ZNF687: variants seen among roughly 807,000 people sequenced by gnomAD.
The protein encoded by ZNF687 is zinc finger protein 687.
ZNF687 carries 13 observed loss-of-function variants against 71.8 expected under a neutral mutation model. The observed-to-expected ratio is 0.18, with a 90% CI of 0.12 to 0.29. The LOEUF (loss-of-function observed/expected upper bound fraction) is 0.29. ZNF687 is among the 10% of genes least tolerant of loss of function. ZNF687 has a pLI of 1.00. For missense variants in ZNF687, 1,412 were observed against 1,625.6 expected (o/e 0.87, Z 2.26); for synonymous variants, 673 against 641.6 (o/e 1.05, Z -0.74).
Position 151,291,048 on chromosome 1 carries a change from G to A in ZNF687, c.3553G>A (p.Asp1185Asn). Residue 1185 changes from aspartate (D) to asparagine (N), a missense_variant, in exon 9 of 9, where the codon GAC becomes AAC. Around this residue, in one of 8 missense-constraint regions of ZNF687, gnomAD observed 284 missense variants for 359.2 expected, o/e 0.79. Transcript: ENST00000336715. ...GEEEAPPSRS[D>N]PDGGDSPLPA... ...GGAAGAGGCCCCTCCATCAAGGTCT[G>A]ACCCCGATGGTGGAGACTCACCCCT... is the stretch of plus-strand genomic sequence containing the variant. 6.2e-7 allele frequency: 1 copy of A among 1,613,838 alleles called. No homozygotes were observed. Among genetic ancestry groups the A allele is most frequent in the Non-Finnish European group, 8.5e-7 (1 of 1,180,024 alleles).
intron 1 of ZNF687, 133 bp from the exon 2 acceptor site, chr1:151,286,142 G>T (rs977521695): frequency 1.5e-6 from 1 of 667,146 alleles, no homozygotes; most frequent in Non-Finnish European, 2.4e-6. Context: ...GATTCATGCC[G>T]TGGCGGAGGT....
chr1:151,283,203 C>T (rs74125914), intron 1 of ZNF687: 28 of 985,342 alleles, frequency 2.8e-5, no homozygotes, highest in Non-Finnish European at 3.4e-5. Context: ...GCTCCCCGCG[C>T]CAGCCCTCGG....
chr1:151,283,332 C>T (rs1419115009), intron 1 of ZNF687: 1 of 983,384 alleles, frequency 1.0e-6, no homozygotes, highest in Non-Finnish European at 1.2e-6. Context: ...AGTGGAGCCC[C>T]CACTCGACCT....
chr1:151,286,472 G>A lies in ZNF687; in HGVS notation c.181G>A (p.Asp61Asn). The change falls in exon 2 of 9, where the codon GAT becomes AAT. Residue 61 changes from aspartate to asparagine, a missense_variant. This residue lies in a region of ZNF687 where 490 missense variants were observed against 489.9 expected (regional missense o/e 1.00). Transcript: ENST00000336715. ...AGACACAGCAGCAGCCTCTGCTGGG[G>A]ATGGCCCTGGAGTTCCAGCCCAGGC... ...SEDTAAASAG[D>N]GPGVPAQASD... 1 of 1,614,050 alleles carries A rather than the reference G, an allele frequency of 6.2e-7. No homozygotes were observed. The highest frequency in any genetic ancestry group is 8.5e-7 in the Non-Finnish European group (1 of 1,179,902).
At position 151,287,945 on chromosome 1, in the gene ZNF687, T is replaced by C. The variant is rs1328056742; in HGVS notation, c.1654T>C (p.Tyr552His). 6.2e-7 allele frequency: 1 copy of C among 1,613,882 alleles called. No homozygotes were observed. Among genetic ancestry groups the C allele is most frequent in the Admixed American group, 1.7e-5 (1 of 60,032 alleles). ...ATTGGAGAAGAGCCTGGCACGGCACTATGACCGTCGGAGCATGCGCATCGA... is the reference window on the plus strand; with the variant it reads ...ATTGGAGAAGAGCCTGGCACGGCACCATGACCGTCGGAGCATGCGCATCGA... ...FSLEKSLARH[Y>H]DRRSMRIEVT... Residue 552 changes from tyrosine to histidine, a missense_variant, in exon 2 of 9, where the codon TAT becomes CAT. By Grantham distance (83) the Tyr-to-His change is moderately conservative (BLOSUM62 2). Coordinates refer to ENST00000336715, the MANE Select transcript of ZNF687 (RefSeq NM_020832.3). This position sits in a 1 kb window ranked among gnomAD's most constrained non-coding sequence, Gnocchi z 5.0.
Position 151,282,402 on chromosome 1 carries a change from G to T in ZNF687, c.-18+7G>T. 2.0e-6 allele frequency: 2 copies of T among 987,264 alleles called. No homozygotes were observed. The highest frequency in any genetic ancestry group is 4.5e-5 in the South Asian group (1 of 22,394). The allele number at this position is 987,264 out of a possible 1,614,324, so 61.2% of individuals were successfully genotyped here. On this transcript the variant is annotated splice_region_variant and intron_variant, in intron 1 of 8. Coordinates refer to ENST00000336715, the MANE Select transcript of ZNF687 (RefSeq NM_020832.3). ...CGCACCAGGAGCGGAACAAGTAAGC[G>T]TGCCTGGGGTAAATACCCGCCCTTG...
chr1:151,287,463 G>A lies in ZNF687; in HGVS notation c.1172G>A (p.Gly391Asp). 6.2e-7 allele frequency: 1 copy of A among 1,614,176 alleles called. No individual in the cohort carries two copies. The highest frequency in any genetic ancestry group is 8.5e-7 in the Non-Finnish European group (1 of 1,180,034). ...CCAAAGGTGGTGAGCGTACAGTTGG[G>A]TGATGGTACAAGGCTGAAAGGCACT... ...EGPKVVSVQLGDGTRLKGTVL... is the reference protein window; with the variant it reads ...EGPKVVSVQLDDGTRLKGTVL... The change falls in exon 2 of 9, where the codon GGT (glycine) becomes GAT (aspartate). Residue 391 changes from glycine to aspartate, a missense_variant. Physicochemically the swap from Gly to Asp is moderately conservative, Grantham distance 94. Coordinates refer to ENST00000336715, the MANE Select transcript of ZNF687 (RefSeq NM_020832.3). The surrounding 1 kb of genome is among the most constrained non-coding windows in gnomAD (Gnocchi z 5.0).
At position 151,290,980 on chromosome 1, in the gene ZNF687, G is replaced by C. The variant is rs144644921; in HGVS notation, c.3485G>C (p.Arg1162Pro). Residue 1162 changes from arginine (R) to proline (P), a missense_variant, in exon 9 of 9, where the codon CGG becomes CCG. Physicochemically the swap from Arg to Pro is moderately radical, Grantham distance 103 (BLOSUM62 -2). This residue lies in a region of ZNF687 where 284 missense variants were observed against 359.2 expected (regional missense o/e 0.79). Coordinates refer to ENST00000336715, the MANE Select transcript of ZNF687 (RefSeq NM_020832.3). ...CGTTTCATCAGCCACAAGAAGAGAC[G>C]GGGTGTGGGTAAAGCCAGTGCCCTG... ...RHRFISHKKR[R>P]GVGKASALGL... The C allele has an allele frequency of 6.2e-7, 1 of 1,613,980 alleles. No individual in the cohort carries two copies. Among genetic ancestry groups the C allele is most frequent in the Non-Finnish European group, 8.5e-7 (1 of 1,180,014 alleles).
Position 151,290,764 on chromosome 1 carries a change from C to G in ZNF687, c.3269C>G (p.Pro1090Arg). 1 of 1,613,286 alleles carries G rather than the reference C, an allele frequency of 6.2e-7. No homozygotes were observed. The highest frequency in any genetic ancestry group is 8.5e-7 in the Non-Finnish European group (1 of 1,179,732). The change falls in exon 9 of 9, where the codon CCT becomes CGT. Residue 1090 changes from proline (P) to arginine (R), a missense_variant. Transcript: ENST00000336715. The stretch of plus-strand genomic sequence containing the variant: ...TCTTCTGACTCTTGCAGTGAGGAGC[C>G]TGACAGCACGACACCGCCAGCCAAG... Reference protein sequence around the residue: ...RQSSDSCSEEPDSTTPPAKSP... With the variant: ...RQSSDSCSEERDSTTPPAKSP...
At chr1:151,282,130 G>A, upstream of ZNF687, 1 of 1,240,092 alleles carries the variant, frequency 8.1e-7, no homozygotes, top group East Asian at 5.9e-5. Flanking sequence ...AGAGGACTGT[G>A]CGGGGCTAGT....
chr1:151,291,404 C>CT lies in ZNF687; in HGVS notation c.*196dup. 1 of 671,294 alleles carries CT rather than the reference C, an allele frequency of 1.5e-6. No individual in the cohort carries two copies. The highest frequency in any genetic ancestry group is 2.4e-6 in the Non-Finnish European group (1 of 412,480). The allele number at this position is 671,294 out of a possible 1,614,324, so 41.6% of individuals were successfully genotyped here. A position where few individuals can be genotyped will look rare whatever the true frequency, so the allele number is the denominator to read the frequency against. ...TCCCTTTGGGTTTGGCCCTGGAGTC[C>CT]TAGTAGAGTGGACCCTCCATTCCTC... On this transcript the variant is annotated 3_prime_UTR_variant, in exon 9 of 9. Coordinates refer to ENST00000336715, the MANE Select transcript of ZNF687 (RefSeq NM_020832.3).
In ZNF687 at chr1:151,288,523, G is replaced by A. The variant is rs1452261415; in HGVS notation, c.2116-5G>A. 10 of 1,598,368 alleles carry A rather than the reference G, an allele frequency of 6.3e-6. No homozygotes were observed. Among genetic ancestry groups the A allele is most frequent in the Non-Finnish European group, 7.7e-6 (9 of 1,169,826 alleles). ...CCGACTTTCCTTGTTTAACCCACTC[G>A]ACAGGTGTGCCCAACCTGCCCCATG... On this transcript the variant is annotated splice_region_variant and splice_polypyrimidine_tract_variant and intron_variant, in intron 2 of 8. Coordinates refer to ENST00000336715, the MANE Select transcript of ZNF687 (RefSeq NM_020832.3).
At position 151,287,316 on chromosome 1, in the gene ZNF687, T is replaced by C; in HGVS notation, c.1025T>C (p.Ile342Thr). The change falls in exon 2 of 9, where the codon ATC becomes ACC. Residue 342 changes from isoleucine to threonine, a missense_variant. Around this residue, in one of 8 missense-constraint regions of ZNF687, gnomAD observed 490 missense variants for 489.9 expected, o/e 1.00. Coordinates refer to ENST00000336715, the MANE Select transcript of ZNF687 (RefSeq NM_020832.3). The surrounding 1 kb of genome is among the most constrained non-coding windows in gnomAD (Gnocchi z 5.0). ...ACCATTAAAACATCCTGCGGGAATATCACAAGGACTGTAACTCAGGTCCCC... is the reference window on the plus strand; with the variant it reads ...ACCATTAAAACATCCTGCGGGAATACCACAAGGACTGTAACTCAGGTCCCC... Reference protein sequence around the residue: ...IKTIKTSCGNITRTVTQVPSD... With the variant: ...IKTIKTSCGNTTRTVTQVPSD... 1 of 1,614,140 alleles carries C rather than the reference T, an allele frequency of 6.2e-7. No homozygotes were observed. The highest frequency in any genetic ancestry group is 8.5e-7 in the Non-Finnish European group (1 of 1,180,016).
At position 151,291,231 on chromosome 1, in the gene ZNF687, C is replaced by A. The variant is rs1035506131; in HGVS notation, c.*22C>A. The A allele has an allele frequency of 1.9e-6, 3 of 1,571,046 alleles. No homozygotes were observed. The South Asian group carries it at 3.5e-5, about 18-fold the overall frequency. ...CTAGTCTCCAAGGCCTGGGACTGAC[C>A]AGCCCCTTCCTCTTGGAGCCTGGTT... On this transcript the variant is annotated 3_prime_UTR_variant, in exon 9 of 9. Coordinates refer to ENST00000336715, the MANE Select transcript of ZNF687 (RefSeq NM_020832.3).
chr1:151,287,719 A>C lies in ZNF687; in HGVS notation c.1428A>C (p.Ser476=). 1 of 1,613,830 alleles carries C rather than the reference A, an allele frequency of 6.2e-7. No homozygotes were observed. The highest frequency in any genetic ancestry group is 1.1e-5 in the South Asian group (1 of 91,062). The change falls in exon 2 of 9, where the codon TCA becomes TCC. Residue 476 remains serine (S), a synonymous_variant. Transcript: ENST00000336715. The surrounding 1 kb of genome is among the most constrained non-coding windows in gnomAD (Gnocchi z 5.0). ...CCTCGGTGGTGATGGTGCAACCTTCAAAGACAGCTACTGGGCCAAGTACAG... is the reference window on the plus strand; with the variant it reads ...CCTCGGTGGTGATGGTGCAACCTTCCAAGACAGCTACTGGGCCAAGTACAG... ...NGASVVMVQP[S]KTATGPSTGG... is the part of the protein sequence containing the mutation.
chr1:151,287,670 C>G lies in ZNF687; in HGVS notation c.1379C>G (p.Thr460Ser). ...PKADGRAGLG[T>S]GGQKVNGASV... ...GCTGACGGGCGGGCAGGGCTGGGGA[C>G]TGGGGGACAGAAGGTGAATGGTGCC... The change falls in exon 2 of 9, where the codon ACT (threonine) becomes AGT (serine). Residue 460 changes from threonine (T) to serine (S), a missense_variant. Around this residue, in one of 8 missense-constraint regions of ZNF687, gnomAD observed 133 missense variants for 155.1 expected, o/e 0.86. Transcript: ENST00000336715. The surrounding 1 kb of genome is among the most constrained non-coding windows in gnomAD (Gnocchi z 5.0). The G allele has an allele frequency of 1.9e-6, 3 of 1,613,386 alleles. No individual in the cohort carries two copies. Among genetic ancestry groups the G allele is most frequent in the East Asian group, 4.5e-5 (2 of 44,870 alleles).
At position 151,291,201 on chromosome 1, in the gene ZNF687, G is replaced by GACA. The variant is rs145032688; in HGVS notation, c.3709_3711dup (p.Asn1237dup). 96,510 of 1,609,464 alleles carry GACA rather than the reference G, an allele frequency of 0.06. 3,457 individuals carry two copies. Among genetic ancestry groups the GACA allele is most frequent in the Non-Finnish European group, 0.073 (86,439 of 1,177,718 alleles). ...CAGGGCTCGGCAGGGGGCTGTTGGG[G>GACA]ACAACTAGTCTCCAAGGCCTGGGAC... On this transcript the variant is annotated inframe_insertion, in exon 9 of 9. Transcript: ENST00000336715.
At position 151,286,892 on chromosome 1, in the gene ZNF687, CTGGCCCAGGAGAA is replaced by C; in HGVS notation, c.611_623del (p.Glu204AlafsTer14). Reference sequence around the variant, plus strand: ...GCCTCCTTTCCCCTCTTCCTTTGAGCTGGCCCAGGAGAATGGCCCAGGCATGCAGCCACCTGTT... The same window carrying C: ...GCCTCCTTTCCCCTCTTCCTTTGAGCTGGCCCAGGCATGCAGCCACCTGTT... On this transcript the variant is annotated frameshift_variant, in exon 2 of 9. Coordinates refer to ENST00000336715, the MANE Select transcript of ZNF687 (RefSeq NM_020832.3). LOFTEE classifies it high-confidence loss of function. 6.2e-7 allele frequency: 1 copy of C among 1,612,968 alleles called. No individual in the cohort carries two copies. Among genetic ancestry groups the C allele is most frequent in the Non-Finnish European group, 8.5e-7 (1 of 1,179,354 alleles).
intron 1 of ZNF687, 34 bp from the exon 2 acceptor site, chr1:151,286,241 C>A (rs1693939863): frequency 6.7e-7 from 1 of 1,492,856 alleles, no homozygotes; most frequent in Admixed American, 2.3e-5. Flanking sequence ...TTCTAGACAT[C>A]TCAGTTTCTC....
Sources: allele counts gnomAD v4.1 joint callset, GRCh38; gene constraint gnomAD v4.1.1; regional missense constraint gnomAD v4.1.1; non-coding constraint Gnocchi (gnomAD v3.1); transcripts MANE v1.5; gene names NCBI Gene and HGNC (gene_info 2026-07-23, HGNC 2026-07-21).